CHD6: variants seen among roughly 807,000 people sequenced by gnomAD.
The protein encoded by CHD6 is chromodomain helicase DNA binding protein 6.
A neutral mutation model predicts 276.9 loss-of-function variants in CHD6; 50 were observed. That is an observed-to-expected ratio of 0.18 (90% CI 0.14 to 0.23). The LOEUF is 0.23. Among genes scored for constraint, CHD6 ranks in the 10% least tolerant of loss-of-function variants. The pLI is 1.00. For missense variants in CHD6, 2,564 were observed against 3,365.8 expected, an observed-to-expected ratio of 0.76 and a Z score of 5.89; for synonymous variants, 1,173 against 1,229.3, an observed-to-expected ratio of 0.95 and a Z score of 0.96.
chr20:41,533,200 T>C lies in CHD6; in HGVS notation c.404A>G (p.Glu135Gly), dbSNP rs2044733639. Residue 135 changes from glutamate to glycine, a missense_variant, in exon 3 of 37, where the codon GAG becomes GGG. This residue lies in a region of CHD6 where 286 missense variants were observed against 297.8 expected (regional missense o/e 0.96). Coordinates refer to ENST00000373233, the MANE Select transcript of CHD6 (RefSeq NM_032221.5). ...KEPKEPRKAK[E>G]PKKAKEHKEP... The stretch of plus-strand genomic sequence containing the variant: ...CTTGTGCTCCTTGGCCTTCTTCGGC[T>C]CCTTGGCCTTTCTGGGTTCCTTTGG... 1 of 1,613,890 alleles carries C rather than the reference T, an allele frequency of 6.2e-7. No homozygotes were observed. Among genetic ancestry groups the C allele is most frequent in the Non-Finnish European group, 8.5e-7 (1 of 1,180,040 alleles).
At chr20:41,505,446 G>A (rs1417857665) in intron 5 of CHD6, among the ~76,000 whole-genome samples, 1 of 152,050 alleles carries the variant, frequency 6.6e-6, no homozygotes, top group African/African-American at 2.4e-5. Flanking sequence ...CTTCTATCCA[G>A]AACAGTCTCT....
At chr20:41,512,337 G>A (rs2044139272) in intron 5 of CHD6, among the ~76,000 whole-genome samples, 1 of 152,030 alleles carries the variant, frequency 6.6e-6, no homozygotes. Flanking sequence ...TGCAATTTGT[G>A]TTGTGGTAAG....
chr20:41,410,422 A>C (rs1481519305), intron 36 of CHD6, among the ~76,000 whole-genome samples: 2 of 152,134 alleles, frequency 1.3e-5, no homozygotes, highest in African/African-American at 4.8e-5. Flanking sequence ...GTGAGAAATA[A>C]ATTTCTGTTG....
chr20:41,617,192 C>T (rs2045941408), intron 1 of CHD6, among the ~76,000 whole-genome samples: 1 of 152,040 alleles, frequency 6.6e-6, no homozygotes, highest in African/African-American at 2.4e-5. Context: ...ACACACAGCC[C>T]CAGAGAGATG....
chr20:41,415,110 T>C lies in CHD6; in HGVS notation c.6939+76A>G. On this transcript the variant is annotated intron_variant, in intron 34 of 36. Transcript: ENST00000373233. ...AGAGATAAAAGATCCACAAATTATTTTGCGTCTGAGGAAGAAGGGTTTGTT... is the reference window on the plus strand; with the variant it reads ...AGAGATAAAAGATCCACAAATTATTCTGCGTCTGAGGAAGAAGGGTTTGTT... The C allele has an allele frequency of 2.7e-6, 4 of 1,504,110 alleles. No individual in the cohort carries two copies. In the South Asian group the frequency reaches 4.0e-5, roughly 15 times the overall value. 93.2% of individuals were successfully genotyped at this position (1,504,110 alleles called of 1,614,324 possible).
At chr20:41,560,214 G>C (rs2045287054) in intron 1 of CHD6, among the ~76,000 whole-genome samples, 1 of 151,998 alleles carries the variant, frequency 6.6e-6, no homozygotes, top group South Asian at 2.1e-4. Flanking sequence ...TCTTCAGTGG[G>C]TATTGTGTCT....
At chr20:41,560,450 TCCCTGACCTG>T (rs2045290048) in intron 1 of CHD6, among the ~76,000 whole-genome samples, 1 of 152,194 alleles carries the variant, frequency 6.6e-6, no homozygotes, top group Admixed American at 6.5e-5. Context: ...CGGGATGTCT[TCCCTGACCTG>T]CCTAAATCTC....
At chr20:41,560,951 C>CA (rs1338589233) in intron 1 of CHD6, among the ~76,000 whole-genome samples, 1 of 151,980 alleles carries the variant, frequency 6.6e-6, no homozygotes, top group Admixed American at 6.5e-5. Flanking sequence ...TTTTAAATAA[C>CA]ATGGTTATTA....
Position 41,403,859 on chromosome 20 carries a change from TG to T in CHD6, c.*733del. On this transcript the variant is annotated 3_prime_UTR_variant, in exon 37 of 37. Coordinates refer to ENST00000373233, the MANE Select transcript of CHD6 (RefSeq NM_032221.5). ...CACCCCCGTCGACAGCAATAACTCA[TG>T]GTGGGTAAAGCTTTCTCGCAGCAAG... 2.8e-6 allele frequency: 3 copies of T among 1,057,194 alleles called. No individual in the cohort carries two copies. The highest frequency in any genetic ancestry group is 3.4e-6 in the Non-Finnish European group (3 of 874,192). 65.5% of individuals were successfully genotyped at this position (1,057,194 alleles called of 1,614,324 possible).
chr20:41,575,063 T>G (rs1345932538), intron 1 of CHD6, among the ~76,000 whole-genome samples: 1 of 152,212 alleles, frequency 6.6e-6, no homozygotes, highest in East Asian at 1.9e-4. Flanking sequence ...GTGACCTTTG[T>G]AACTTCACTT....
intron 10 of CHD6, 36 bp from the exon 11 acceptor site, chr20:41,491,855 A>G (rs2043564006): frequency 5.6e-6 from 9 of 1,611,690 alleles, no homozygotes; most frequent in African/African-American, 1.3e-5. Flanking sequence ...TAGATAGAGA[A>G]TGATGTTTTA....
At chr20:41,418,564 G>A (rs1360264918) in intron 31 of CHD6, among the ~76,000 whole-genome samples, 1 of 152,108 alleles carries the variant, frequency 6.6e-6, no homozygotes, top group Non-Finnish European at 1.5e-5. Context: ...CCACTGAAAG[G>A]TTTTAAGCAG....
rs762606079 is a variant in CHD6, at chr20:41,491,766, C to A, written c.1368G>T (p.Lys456Asn). The change falls in exon 11 of 37, where the codon AAG becomes AAT. Residue 456 changes from lysine (K) to asparagine (N), a missense_variant. Physicochemically the swap from Lys to Asn is moderately conservative, Grantham distance 94. Transcript: ENST00000373233. ...WQKLEKSREY[K>N]NSNQLREYQL... is the part of the protein sequence containing the mutation. ...GGTACTCCCGGAGCTGGTTACTGTT[C>A]TTATACTCGCGAGACTTCTCAAGTT... 1 of 1,613,864 alleles carries A rather than the reference C, an allele frequency of 6.2e-7. No individual in the cohort carries two copies. Among genetic ancestry groups the A allele is most frequent in the Non-Finnish European group, 8.5e-7 (1 of 1,179,854 alleles).
At chr20:41,516,637 T>C (rs1395009011) in intron 3 of CHD6, among the ~76,000 whole-genome samples, 1 of 152,074 alleles carries the variant, frequency 6.6e-6, no homozygotes, top group Non-Finnish European at 1.5e-5. Flanking sequence ...TAGAACAGTG[T>C]TTTGGATACA....
chr20:41,490,093 A>G, intron 11 of CHD6, 72 bp from the exon 12 acceptor site: 1 of 1,284,120 alleles, frequency 7.8e-7, no homozygotes, highest in Non-Finnish European at 1.1e-6. Context: ...TATAACTTGA[A>G]AAGATGCTTC....
At chr20:41,519,151 C>T (rs1049176997) in intron 3 of CHD6, among the ~76,000 whole-genome samples, 1 of 152,096 alleles carries the variant, frequency 6.6e-6, no homozygotes, top group Non-Finnish European at 1.5e-5. Flanking sequence ...GGCATGGTGG[C>T]GCAGGCCTGT....
intron 5 of CHD6, among the ~76,000 whole-genome samples, chr20:41,508,047 T>C (rs1191032003): frequency 6.6e-6 from 1 of 152,188 alleles, no homozygotes; most frequent in Non-Finnish European, 1.5e-5. Context: ...TAAATGCTAA[T>C]TGGTTAAACA....
At chr20:41,583,668 C>T (rs1257461856) in intron 1 of CHD6, among the ~76,000 whole-genome samples, 3 of 151,684 alleles carry the variant, frequency 2.0e-5, no homozygotes, top group Non-Finnish European at 4.4e-5. Context: ...AGATAACTGC[C>T]TAAAGCAAAA....
At chr20:41,613,606 C>G (rs2045908941) in intron 1 of CHD6, among the ~76,000 whole-genome samples, 1 of 152,218 alleles carries the variant, frequency 6.6e-6, no homozygotes, top group African/African-American at 2.4e-5. Context: ...GCCAAGTGAT[C>G]AAGGCTGAGA....
Sources: allele counts gnomAD v4.1 joint callset (sites outside exome capture counted in the v4.1 genomes callset), GRCh38; gene constraint gnomAD v4.1.1; regional missense constraint gnomAD v4.1.1; transcripts MANE v1.5; gene names NCBI Gene and HGNC (gene_info 2026-07-23, HGNC 2026-07-21).